Variants in WDR20 observed in about 807,000 individuals in gnomAD.
The protein encoded by WDR20 is WD repeat domain 20, also known as WD repeat-containing protein 20.
Under a neutral mutation model 38.7 loss-of-function variants are expected in WDR20, and 3 were observed. That is an observed-to-expected ratio of 0.08 (90% CI 0.04 to 0.20). The LOEUF (loss-of-function observed/expected upper bound fraction) is 0.20. Ranked by LOEUF, WDR20 falls within the 10% of genes least tolerant of loss-of-function variation. The pLI is 1.00. For synonymous variants in WDR20, 298 were observed against 285.6 expected (o/e 1.04, Z -0.44); for missense variants, 559 against 727.7 (o/e 0.77, Z 2.67).
chr14:102,223,885 A>C (rs1223816613), downstream of WDR20, among the ~76,000 whole-genome samples: 1 of 152,154 alleles, frequency 6.6e-6, no homozygotes, highest in Non-Finnish European at 1.5e-5. Flanking sequence ...CACTGTGGGC[A>C]GCTGCACGTC....
intron 1 of WDR20, among the ~76,000 whole-genome samples, chr14:102,143,171 G>A (rs1052277126): frequency 1.2e-4 from 18 of 152,286 alleles, no homozygotes; most frequent in African/African-American, 4.3e-4. Flanking sequence ...GGAAAATGAA[G>A]CACAGCTGAG....
At chr14:102,181,719 C>T (rs981284662) in intron 1 of WDR20, among the ~76,000 whole-genome samples, 1 of 151,938 alleles carries the variant, frequency 6.6e-6, no homozygotes, top group Non-Finnish European at 1.5e-5. Context: ...CTATATATTA[C>T]GTCATATGAG....
downstream of WDR20, chr14:102,214,504 T>A (rs959443172): frequency 7.1e-6 from 7 of 985,336 alleles, no homozygotes; most frequent in African/African-American, 1.2e-4. Flanking sequence ...TGATGTTGAT[T>A]TCTTTATTCA....
At chr14:102,189,820 A>C (rs1049410231) in intron 1 of WDR20, among the ~76,000 whole-genome samples, 1 of 152,196 alleles carries the variant, frequency 6.6e-6, no homozygotes, top group Non-Finnish European at 1.5e-5. Context: ...ATTTTAATTG[A>C]TTATAACAGA....
At chr14:102,152,248 A>G (rs922357000) in intron 1 of WDR20, among the ~76,000 whole-genome samples, 1 of 151,976 alleles carries the variant, frequency 6.6e-6, no homozygotes, top group African/African-American at 2.4e-5. Context: ...TCTCGGATAT[A>G]AAGAAATGAT....
At chr14:102,162,359 A>G (rs754721253) in intron 1 of WDR20, among the ~76,000 whole-genome samples, 13 of 152,032 alleles carry the variant, frequency 8.6e-5, no homozygotes, top group Non-Finnish European at 8.8e-5. Context: ...TTTTCACACA[A>G]TATTGGAATT....
In WDR20 at chr14:102,139,933, G is replaced by C; in HGVS notation, c.10G>C (p.Glu4Gln). Residue 4 changes from glutamate to glutamine, a missense_variant, in exon 1 of 3, where the codon GAG becomes CAG. Coordinates refer to ENST00000342702, the MANE Select transcript of WDR20 (RefSeq NM_144574.4). ...AACGCTGCTTTCCAAGATGGCGACG[G>C]AGGGAGGAGGGAAGGAGATGAACGA... The part of the protein sequence containing the change: MAT[E>Q]GGGKEMNEIK... 6.2e-7 allele frequency: 1 copy of C among 1,612,716 alleles called. No individual in the cohort carries two copies. Among genetic ancestry groups the C allele is most frequent in the South Asian group, 1.1e-5 (1 of 91,076 alleles).
chr14:102,171,977 G>T (rs932587124), intron 1 of WDR20, among the ~76,000 whole-genome samples: 4 of 150,372 alleles, frequency 2.7e-5, no homozygotes, highest in African/African-American at 9.7e-5. Context: ...ATTTGGCAGG[G>T]TCATATGTGG....
At chr14:102,195,207 C>A (rs940157160) in intron 2 of WDR20, 87 bp downstream of exon 2, 2 of 1,432,866 alleles carry the variant, frequency 1.4e-6, no homozygotes, top group African/African-American at 2.9e-5. Context: ...TTTTGCACTT[C>A]AAGCTAAGCC....
At chr14:102,212,500 G>A, downstream of WDR20, 1 of 1,535,824 alleles carries the variant, frequency 6.5e-7, no homozygotes, top group South Asian at 1.2e-5. Context: ...CCCTCTGACT[G>A]CTGCCCCTTT....
intron 2 of WDR20, among the ~76,000 whole-genome samples, chr14:102,201,336 A>G (rs1232852346): frequency 6.6e-6 from 1 of 152,144 alleles, no homozygotes; most frequent in African/African-American, 2.4e-5. Context: ...CCCCAAACTA[A>G]TTTTTGATTT....
intron 1 of WDR20, among the ~76,000 whole-genome samples, chr14:102,148,563 C>T (rs1055296439): frequency 6.6e-6 from 1 of 151,642 alleles, no homozygotes; most frequent in Non-Finnish European, 1.5e-5. Context: ...AAATCATAAT[C>T]CTCATTCATC....
At chr14:102,147,974 A>C (rs989548602) in intron 1 of WDR20, among the ~76,000 whole-genome samples, 1 of 152,144 alleles carries the variant, frequency 6.6e-6, no homozygotes, top group Non-Finnish European at 1.5e-5. Context: ...CAGGTGATCC[A>C]CCTGCCTGGG....
At chr14:102,202,972 C>T (rs574180516) in intron 2 of WDR20, among the ~76,000 whole-genome samples, 7 of 152,302 alleles carry the variant, frequency 4.6e-5, no homozygotes, top group East Asian at 1.9e-4. Context: ...TACACACCCC[C>T]GCTTTCCATC....
intron 1 of WDR20, among the ~76,000 whole-genome samples, chr14:102,157,491 T>C (rs2057698110): frequency 6.6e-6 from 1 of 152,132 alleles, no homozygotes; most frequent in African/African-American, 2.4e-5. Context: ...TGCTTTTTGC[T>C]TCATTTTTCT....
chr14:102,199,353 C>T (rs145868214), intron 2 of WDR20, among the ~76,000 whole-genome samples: 5 of 151,998 alleles, frequency 3.3e-5, no homozygotes, highest in Admixed American at 6.6e-5. Context: ...TGCTCAGCAA[C>T]GTGGAGGTTG....
chr14:102,199,360 G>A (rs556156317), intron 2 of WDR20, among the ~76,000 whole-genome samples: 3 of 152,068 alleles, frequency 2.0e-5, no homozygotes, highest in African/African-American at 4.8e-5. Flanking sequence ...CAACGTGGAG[G>A]TTGAGAGAAA....
intron 2 of WDR20, among the ~76,000 whole-genome samples, chr14:102,200,507 GTT>G (rs1491165246): frequency 6.8e-6 from 1 of 147,350 alleles, no homozygotes. Flanking sequence ...GTGTGTGTGT[GTT>G]TCACTCTGCC....
chr14:102,215,699 A>G (rs1416301862), downstream of WDR20, among the ~76,000 whole-genome samples: 2 of 152,028 alleles, frequency 1.3e-5, no homozygotes, highest in Admixed American at 6.5e-5. Flanking sequence ...CATCTTGAAT[A>G]GTGTTTGCTT....
Sources: gnomAD v4.1 joint callset for allele counts (sites outside exome capture counted in the v4.1 genomes callset) on GRCh38, gnomAD v4.1.1 for gene constraint, MANE v1.5 for transcripts, NCBI Gene and HGNC (gene_info 2026-07-23, HGNC 2026-07-21) for gene names.